Variants in UBR1 observed in about 807,000 individuals in gnomAD.
The protein encoded by UBR1 is E3 ubiquitin-protein ligase UBR1.
A neutral mutation model predicts 242.1 loss-of-function variants in UBR1; 102 were observed. That is an observed-to-expected ratio of 0.42 (90% CI 0.36 to 0.50). UBR1 has a LOEUF of 0.50. Ranked by LOEUF, UBR1 falls within the 20% of genes least tolerant of loss-of-function variation. UBR1 has a pLI of 0.01. For missense variants in UBR1, 1,772 were observed against 2,101.8 expected (o/e 0.84, Z 3.07); for synonymous variants, 675 against 684.8 (o/e 0.99, Z 0.22).
chr15:43,060,296 T>G (rs1470043353), intron 6 of UBR1, among the ~76,000 whole-genome samples, 182 bp from the exon 7 acceptor site: 2 of 152,334 alleles, frequency 1.3e-5, no homozygotes, highest in East Asian at 3.9e-4. Flanking sequence ...TTATGAAGTA[T>G]GAAAACTTTA....
At chr15:43,038,110 T>C in intron 16 of UBR1, 61 bp downstream of exon 16, 10 of 1,569,982 alleles carry the variant, frequency 6.4e-6, no homozygotes, top group Non-Finnish European at 7.9e-6. Flanking sequence ...TTCTCGTCCA[T>C]CAACCAAGAG....
At chr15:42,974,457 C>T (rs2032257209) in intron 39 of UBR1, among the ~76,000 whole-genome samples, 2 of 152,180 alleles carry the variant, frequency 1.3e-5, no homozygotes, top group African/African-American at 2.4e-5. Flanking sequence ...ACCACACTGT[C>T]TTTATTACTG....
chr15:43,096,834 A>G (rs1454340034), intron 1 of UBR1, among the ~76,000 whole-genome samples: 2 of 152,150 alleles, frequency 1.3e-5, no homozygotes, highest in Admixed American at 6.6e-5. Flanking sequence ...CCACATCTGC[A>G]GTTACTTCCT....
chr15:43,027,927 G>C (rs1422221168), intron 21 of UBR1, 99 bp from the exon 22 acceptor site: 2 of 996,388 alleles, frequency 2.0e-6, no homozygotes. Flanking sequence ...GAAGTACTTT[G>C]TAAATAATTT....
chr15:43,054,771 T>C lies in UBR1; in HGVS notation c.1410A>G (p.Gly470=). 1.2e-6 allele frequency: 2 copies of C among 1,614,130 alleles called. No homozygotes were observed. The highest frequency in any genetic ancestry group is 1.7e-6 in the Non-Finnish European group (2 of 1,180,006). Residue 470 remains glycine (G), a synonymous_variant, in exon 12 of 47, where the codon GGA becomes GGG. Transcript: ENST00000290650. ...NFQGYSQDKL[G]RVYAVICDLK... ...GGTCACATATTACTGCATATACTCTTCCCAATTTGTCCTGGCTATAACCCT... is the reference window on the plus strand; with the variant it reads ...GGTCACATATTACTGCATATACTCTCCCCAATTTGTCCTGGCTATAACCCT...
At chr15:43,073,871 A>G (rs1286607374) in intron 4 of UBR1, among the ~76,000 whole-genome samples, 1 of 152,230 alleles carries the variant, frequency 6.6e-6, no homozygotes, top group East Asian at 1.9e-4. Flanking sequence ...TATTGCTGTA[A>G]GAGCAGAATG....
intron 25 of UBR1, among the ~76,000 whole-genome samples, 156 bp downstream of exon 25, chr15:43,024,673 C>T (rs574722311): frequency 7.2e-5 from 11 of 152,206 alleles, no homozygotes; most frequent in African/African-American, 2.6e-4. Context: ...CACGAGATCA[C>T]TAAAAAAAAT....
rs1364607867 is a variant in UBR1 at position 42,978,965 on chromosome 15, G to C, written c.4151-1018C>G. On this transcript the variant is annotated intron_variant, in intron 37 of 46. Transcript: ENST00000290650. Reference sequence around the variant, plus strand: ...GCTGGAGTGCAGTGGTACAATCTTGGCTCACTGTAATCTCTGCCTCCCGGG... The same window carrying C: ...GCTGGAGTGCAGTGGTACAATCTTGCCTCACTGTAATCTCTGCCTCCCGGG... Among the ~76,000 whole-genome samples the C allele has an allele frequency of 2.0e-5, 3 of 148,780 alleles. No individual in the cohort carries two copies. The Admixed American group carries it at 2.0e-4, about 10-fold the overall frequency.
At chr15:43,066,649 C>A (rs1268413811) in intron 6 of UBR1, among the ~76,000 whole-genome samples, 3 of 152,024 alleles carry the variant, frequency 2.0e-5, no homozygotes, top group African/African-American at 7.3e-5. Flanking sequence ...GTTTGTAGTT[C>A]CCCTTGAAGA....
intron 6 of UBR1, among the ~76,000 whole-genome samples, chr15:43,062,811 T>C (rs2033704775): frequency 6.6e-6 from 1 of 152,148 alleles, no homozygotes; most frequent in African/African-American, 2.4e-5. Flanking sequence ...AGGGAGGCAG[T>C]GTTTTTAAAA....
intron 39 of UBR1, among the ~76,000 whole-genome samples, chr15:42,974,317 A>G (rs2032254895): frequency 6.6e-6 from 1 of 152,192 alleles, no homozygotes; most frequent in Non-Finnish European, 1.5e-5. Context: ...ACTTGTTCCA[A>G]CACCATTTGT....
chr15:43,018,436 C>A (rs1004028706), intron 27 of UBR1, among the ~76,000 whole-genome samples: 1 of 152,192 alleles, frequency 6.6e-6, no homozygotes, highest in Non-Finnish European at 1.5e-5. Context: ...GTCGTCCAGG[C>A]TGGAGTGCAA....
At chr15:43,083,917 G>C (rs1304039521) in intron 2 of UBR1, among the ~76,000 whole-genome samples, 1 of 151,850 alleles carries the variant, frequency 6.6e-6, no homozygotes, top group Non-Finnish European at 1.5e-5. Context: ...GGTGGTGCTT[G>C]CCTGCAAGCC....
chr15:42,960,537 A>G (rs2031997294), intron 43 of UBR1, 108 bp downstream of exon 43: 11 of 1,104,518 alleles, frequency 1.0e-5, no homozygotes, highest in African/African-American at 1.6e-5. Flanking sequence ...GGAACACTGT[A>G]CTGAGTGAGA....
intron 44 of UBR1, among the ~76,000 whole-genome samples, chr15:42,955,170 A>T (rs899713338): frequency 1.3e-5 from 2 of 151,900 alleles, no homozygotes; most frequent in African/African-American, 4.8e-5. Context: ...TGTCTCAAAA[A>T]CAAAACAAAA....
Position 43,105,950 on chromosome 15 carries a change from G to C in UBR1, c.73C>G (p.Leu25Val), listed in dbSNP as rs756384025. The C allele has an allele frequency of 1.9e-5, 30 of 1,613,924 alleles. No individual in the cohort carries two copies. The highest frequency in any genetic ancestry group is 1.6e-5 in the Non-Finnish European group (19 of 1,180,010). The change falls in exon 1 of 47, where the codon CTG becomes GTG. Residue 25 changes from leucine (L) to valine (V), a missense_variant. Physicochemically the swap from Leu to Val is conservative, Grantham distance 32 (BLOSUM62 1). This residue lies in a region of UBR1 where 734 missense variants were observed against 893.3 expected (regional missense o/e 0.82). Coordinates refer to ENST00000290650, the MANE Select transcript of UBR1 (RefSeq NM_174916.3). Reference sequence around the variant, plus strand: ...TGCCTATAGGGACTTACAGATGCCAGACGCTGAGGGGTCTGGGGTAACTCC... The same window carrying C: ...TGCCTATAGGGACTTACAGATGCCACACGCTGAGGGGTCTGGGGTAACTCC... Reference protein sequence around the residue: ...SAELPQTPQRLASWWDQQVDF... With the variant: ...SAELPQTPQRVASWWDQQVDF...
At position 43,038,297 on chromosome 15, in the gene UBR1, T is replaced by A. The variant is rs770272373; in HGVS notation, c.1850-65A>T. The A allele has an allele frequency of 8.6e-6, 13 of 1,514,960 alleles. No individual in the cohort carries two copies. In the South Asian group the frequency reaches 1.3e-4, roughly 16 times the overall value. The allele number at this position is 1,514,960 out of a possible 1,614,324, so 93.8% of individuals were successfully genotyped here. On this transcript the variant is annotated intron_variant, in intron 15 of 46. Coordinates refer to ENST00000290650, the MANE Select transcript of UBR1 (RefSeq NM_174916.3). ...CCCAATTTGTTAACTAGTTAACTCATCAAGTTTAGAAACTTGTGCGATTTG... is the reference window on the plus strand; with the variant it reads ...CCCAATTTGTTAACTAGTTAACTCAACAAGTTTAGAAACTTGTGCGATTTG...
At chr15:43,025,563 T>A (rs985388109) in intron 23 of UBR1, 134 bp from the exon 24 acceptor site, 113 of 674,442 alleles carry the variant, frequency 1.7e-4, no homozygotes, top group Non-Finnish European at 6.5e-5. Context: ...AAATGCCTCT[T>A]TGTCCTAGAA....
At chr15:43,049,060 A>G (rs551247946) in intron 12 of UBR1, among the ~76,000 whole-genome samples, 1 of 152,250 alleles carries the variant, frequency 6.6e-6, no homozygotes, top group Non-Finnish European at 1.5e-5. Flanking sequence ...TTTCATATAC[A>G]ATGGGAACAA....
Sources: gnomAD v4.1 joint callset for allele counts (sites outside exome capture counted in the v4.1 genomes callset) on GRCh38, gnomAD v4.1.1 for gene constraint, gnomAD v4.1.1 regional missense constraint, MANE v1.5 for transcripts, NCBI Gene and HGNC (gene_info 2026-07-23, HGNC 2026-07-21) for gene names.